FNDC3A: variants seen among roughly 807,000 people sequenced by gnomAD.
The protein encoded by FNDC3A is fibronectin type-III domain-containing protein 3A.
FNDC3A carries 32 observed loss-of-function variants against 148.9 expected under a neutral mutation model. The ratio of observed to expected loss-of-function variants is 0.21; its 90% CI spans 0.16 to 0.29. The LOEUF (loss-of-function observed/expected upper bound fraction) is 0.29, where lower values mean the gene tolerates loss of function less well. Among genes scored for constraint, FNDC3A ranks in the 10% least tolerant of loss-of-function variants. The pLI, the probability that FNDC3A is intolerant of heterozygous loss-of-function variation, is 1.00. For missense variants in FNDC3A, 1,191 were observed against 1,452.8 expected (o/e 0.82, Z 2.93); for synonymous variants, 472 against 473.6 (o/e 1.00, Z 0.04).
intron 4 of FNDC3A, among the ~76,000 whole-genome samples, chr13:49,122,585 A>T (rs898087375): frequency 6.6e-6 from 1 of 152,198 alleles, no homozygotes; most frequent in African/African-American, 2.4e-5. Flanking sequence ...ACATGATTGT[A>T]TATTTAGAAA....
intron 4 of FNDC3A, among the ~76,000 whole-genome samples, chr13:49,125,289 G>A (rs1202704131): frequency 6.6e-6 from 1 of 152,116 alleles, no homozygotes; most frequent in Non-Finnish European, 1.5e-5. Flanking sequence ...CTATAAGATG[G>A]GGAGACCTAA....
At chr13:49,028,589 T>C (rs1385761768) in intron 2 of FNDC3A, among the ~76,000 whole-genome samples, 3 of 152,036 alleles carry the variant, frequency 2.0e-5, no homozygotes, top group South Asian at 2.1e-4. Flanking sequence ...ATGTAAAAGA[T>C]AGAATAAGAG....
chr13:49,015,413 T>C (rs1952475403), intron 2 of FNDC3A, among the ~76,000 whole-genome samples: 1 of 152,210 alleles, frequency 6.6e-6, no homozygotes, highest in Admixed American at 6.5e-5. Flanking sequence ...CTGTTGTTGG[T>C]GTATAAGGAT....
intron 3 of FNDC3A, among the ~76,000 whole-genome samples, chr13:49,093,669 G>A (rs1045036688): frequency 3.9e-5 from 6 of 152,138 alleles, no homozygotes; most frequent in African/African-American, 1.4e-4. Flanking sequence ...CAAACATAGA[G>A]TACCTAAGAT....
intron 7 of FNDC3A, among the ~76,000 whole-genome samples, chr13:49,142,425 C>T (rs1882741243): frequency 1.3e-5 from 2 of 152,112 alleles, no homozygotes; most frequent in Non-Finnish European, 2.9e-5. Flanking sequence ...TCATTCTCCC[C>T]ATGCTAGATT....
chr13:49,042,047 C>T (rs755361685), intron 2 of FNDC3A, among the ~76,000 whole-genome samples: 6 of 151,904 alleles, frequency 3.9e-5, no homozygotes, highest in Non-Finnish European at 8.8e-5. Flanking sequence ...ACAATTTGGT[C>T]GTCAGGGAGC....
At chr13:49,082,970 G>A (rs1878577695) in intron 3 of FNDC3A, among the ~76,000 whole-genome samples, 1 of 152,082 alleles carries the variant, frequency 6.6e-6, no homozygotes, top group Non-Finnish European at 1.5e-5. Context: ...CTGGGTTGTA[G>A]GAGTCCCAGC....
At chr13:49,062,009 A>G (rs779454916) in intron 2 of FNDC3A, among the ~76,000 whole-genome samples, 5 of 151,612 alleles carry the variant, frequency 3.3e-5, no homozygotes, top group African/African-American at 4.9e-5. Context: ...CATAGTAATA[A>G]TTGATTTAGT....
rs376468858 is a variant in FNDC3A at position 49,184,403 on chromosome 13, A to G, written c.1618-1561A>G. ...TGGTATAATTACAGTCACTCAGGAAAGATAGGAGAAAGGAGGCTTTCATTA... is the reference window on the plus strand; with the variant it reads ...TGGTATAATTACAGTCACTCAGGAAGGATAGGAGAAAGGAGGCTTTCATTA... On this transcript the variant is annotated intron_variant, in intron 14 of 25. Coordinates refer to ENST00000492622, the MANE Select transcript of FNDC3A (RefSeq NM_001079673.2). Among the ~76,000 whole-genome samples, 12 of 152,318 alleles carry G rather than the reference A, an allele frequency of 7.9e-5. 1 individual carries two copies. In the East Asian group the frequency reaches 1.7e-3, roughly 22 times the overall value.
At chr13:49,067,812 T>A (rs1400455111) in intron 2 of FNDC3A, among the ~76,000 whole-genome samples, 1 of 152,176 alleles carries the variant, frequency 6.6e-6, no homozygotes, top group Non-Finnish European at 1.5e-5. Context: ...CTTTGAATCC[T>A]ATCTATGACA....
intron 2 of FNDC3A, among the ~76,000 whole-genome samples, chr13:49,020,308 A>C (rs890869163): frequency 6.6e-6 from 1 of 152,212 alleles, no homozygotes; most frequent in East Asian, 1.9e-4. Context: ...TAAGGAGGTA[A>C]AATTGGTGAA....
intron 2 of FNDC3A, among the ~76,000 whole-genome samples, chr13:49,062,613 T>G (rs947856984): frequency 3.9e-5 from 6 of 152,192 alleles, no homozygotes; most frequent in Admixed American, 2.0e-4. Context: ...TGTCTTTATC[T>G]TGCAGACTTC....
intron 17 of FNDC3A, among the ~76,000 whole-genome samples, chr13:49,189,235 A>ACTGCAACCTCTGCCTCCTGGGTT (rs1249853953): frequency 6.6e-6 from 1 of 150,540 alleles, no homozygotes; most frequent in Non-Finnish European, 1.5e-5. Flanking sequence ...ATTGGGGCTC[A>ACTGCAACCTCTGCCTCCTGGGTT]CTGCAACCTC....
At chr13:49,037,473 T>C (rs1874576681) in intron 2 of FNDC3A, among the ~76,000 whole-genome samples, 2 of 152,138 alleles carry the variant, frequency 1.3e-5, no homozygotes, top group African/African-American at 4.8e-5. Flanking sequence ...AAAGGAGCAG[T>C]TGGATAAGGA....
At chr13:48,984,884 C>G (rs773788748) in intron 1 of FNDC3A, among the ~76,000 whole-genome samples, 2 of 152,024 alleles carry the variant, frequency 1.3e-5, no homozygotes. Context: ...GGGGTTTCAC[C>G]ATGTTGTCCA....
chr13:49,001,830 C>T (rs576885681), intron 1 of FNDC3A, among the ~76,000 whole-genome samples: 16 of 152,270 alleles, frequency 1.1e-4, no homozygotes, highest in East Asian at 9.6e-4. Flanking sequence ...ATTTTAATTT[C>T]GCCCCAGTCC....
At chr13:49,159,527 CTG>C (rs1459893996) in intron 8 of FNDC3A, among the ~76,000 whole-genome samples, 1 of 152,148 alleles carries the variant, frequency 6.6e-6, no homozygotes, top group African/African-American at 2.4e-5. Context: ...GGCTGAGACA[CTG>C]GGGTTTTCTA....
chr13:49,191,298 C>T lies in FNDC3A; in HGVS notation c.2140C>T (p.Gln714Ter). Residue 714 changes from glutamine to a stop codon, truncating the protein, a stop_gained, in exon 19 of 26, where the codon CAA becomes TAA. Transcript: ENST00000492622. LOFTEE classifies it high-confidence loss of function. ...IEKDEPREVY[Q>*]GSEVECTVSS... is the part of the protein sequence containing the mutation. ...AAAAGATGAACCTAGAGAAGTTTAC[C>T]AAGGTTCTGAAGTAGAATGTACAGT... 6.2e-7 allele frequency: 1 copy of T among 1,613,654 alleles called. No homozygotes were observed. Among genetic ancestry groups the T allele is most frequent in the Non-Finnish European group, 8.5e-7 (1 of 1,179,850 alleles).
chr13:49,099,929 T>C (rs1246244766), intron 3 of FNDC3A, among the ~76,000 whole-genome samples: 1 of 152,088 alleles, frequency 6.6e-6, no homozygotes, highest in Non-Finnish European at 1.5e-5. Context: ...AAAGAGTCAA[T>C]TGAAGGTATC....
Sources: allele counts gnomAD v4.1 joint callset (sites outside exome capture counted in the v4.1 genomes callset), GRCh38; gene constraint gnomAD v4.1.1; transcripts MANE v1.5; gene names NCBI Gene and HGNC (gene_info 2026-07-23, HGNC 2026-07-21).